The following AAMDC variants were observed in gnomAD, a reference collection of about 807,000 sequenced individuals.
AAMDC encodes the protein mth938 domain-containing protein.
AAMDC carries 16 observed loss-of-function variants against 15.5 expected under a neutral mutation model. The observed-to-expected ratio is 1.03, with a 90% CI of 0.70 to 1.57. AAMDC has a LOEUF of 1.57. AAMDC is among the 40% of genes most tolerant of loss of function. The pLI is 0.00. For synonymous variants in AAMDC, 51 were observed against 51.6 expected (o/e 0.99, Z 0.05); for missense variants, 141 against 144.9 (o/e 0.97, Z 0.14).
intron 2 of AAMDC, among the ~76,000 whole-genome samples, chr11:77,847,640 G>T (rs987156757): frequency 1.3e-5 from 2 of 152,186 alleles, no homozygotes; most frequent in Admixed American, 1.3e-4. Flanking sequence ...GGCTCCATCA[G>T]AGTGAAGTTG....
chr11:77,873,601 T>C (rs1783546), downstream of AAMDC, among the ~76,000 whole-genome samples: 113,538 of 152,116 alleles, frequency 0.75, 43,087 homozygotes, highest in African/African-American at 0.89. Context: ...AATTCCTGCC[T>C]TTGGGAATTA....
At chr11:77,838,358 T>C (rs564688526) in intron 1 of AAMDC, among the ~76,000 whole-genome samples, 48 of 152,282 alleles carry the variant, frequency 3.2e-4, no homozygotes, top group African/African-American at 1.1e-3. Flanking sequence ...ATATATGAGA[T>C]TATATCCTTG....
downstream of AAMDC, chr11:77,903,390 T>C (rs1168300836): frequency 6.2e-7 from 1 of 1,600,876 alleles, no homozygotes; most frequent in African/African-American, 1.3e-5. Context: ...GCCAAATCAC[T>C]CTGCTTCAAA....
At chr11:77,876,518 C>G (rs1479147353), downstream of AAMDC, among the ~76,000 whole-genome samples, 1 of 151,932 alleles carries the variant, frequency 6.6e-6, no homozygotes, top group Admixed American at 6.6e-5. Context: ...AAGTTGAGCC[C>G]AACCCCGATA....
chr11:77,859,927 G>C (rs988240871), intron 2 of AAMDC, among the ~76,000 whole-genome samples: 2 of 152,162 alleles, frequency 1.3e-5, no homozygotes, highest in African/African-American at 4.8e-5. Flanking sequence ...TGAGTATGCC[G>C]TTCACATCAT....
chr11:77,870,882 TC>T (rs1951399287), intron 3 of AAMDC, among the ~76,000 whole-genome samples: 1 of 152,190 alleles, frequency 6.6e-6, no homozygotes, highest in African/African-American at 2.4e-5. Context: ...TATAACTTTT[TC>T]CCCCACTTAC....
intron 5 of AAMDC, among the ~76,000 whole-genome samples, chr11:77,896,153 A>G (rs1380304810): frequency 6.6e-6 from 1 of 152,218 alleles, no homozygotes; most frequent in South Asian, 2.1e-4. Flanking sequence ...GGGGATTTAA[A>G]AGGATATTAC....
chr11:77,834,694 C>T (rs1007335428), intron 1 of AAMDC, among the ~76,000 whole-genome samples: 5 of 152,024 alleles, frequency 3.3e-5, no homozygotes, highest in Admixed American at 6.6e-5. Context: ...GGATTACAGA[C>T]GTGAGCCACT....
chr11:77,878,987 C>T, intron 5 of AAMDC: 1 of 1,614,128 alleles, frequency 6.2e-7, no homozygotes, highest in Non-Finnish European at 8.5e-7. Context: ...TAAACTTTTA[C>T]AGGCTTGCTG....
chr11:77,827,501 T>G (rs1949233115), intron 1 of AAMDC, among the ~76,000 whole-genome samples: 1 of 152,200 alleles, frequency 6.6e-6, no homozygotes, highest in Admixed American at 6.5e-5. Context: ...ATCAATATAT[T>G]GTAATATATT....
chr11:77,854,756 G>A (rs1420778587), intron 2 of AAMDC, among the ~76,000 whole-genome samples: 1 of 152,208 alleles, frequency 6.6e-6, no homozygotes. Context: ...CTGGAGGATG[G>A]TGGCCCTCTT....
intron 1 of AAMDC, among the ~76,000 whole-genome samples, chr11:77,834,705 G>A (rs537801528): frequency 1.3e-5 from 2 of 152,242 alleles, no homozygotes; most frequent in Admixed American, 6.5e-5. Flanking sequence ...GTGAGCCACT[G>A]CGCCTGGCCA....
At chr11:77,836,407 A>G (rs1949683760) in intron 1 of AAMDC, among the ~76,000 whole-genome samples, 1 of 152,170 alleles carries the variant, frequency 6.6e-6, no homozygotes, top group African/African-American at 2.4e-5. Context: ...CCATGCAAGC[A>G]GAAAAAGCCA....
chr11:77,863,069 C>G (rs1344268624), intron 2 of AAMDC, among the ~76,000 whole-genome samples: 1 of 152,052 alleles, frequency 6.6e-6, no homozygotes, highest in Non-Finnish European at 1.5e-5. Context: ...GTTCTCTGAC[C>G]AAGGGTGCTT....
At chr11:77,825,460 A>G (rs764680528) in intron 1 of AAMDC, among the ~76,000 whole-genome samples, 8 of 152,184 alleles carry the variant, frequency 5.3e-5, no homozygotes, top group African/African-American at 7.2e-5. Flanking sequence ...CTGAAGGTAT[A>G]TGGACTTAAT....
downstream of AAMDC, chr11:77,901,435 T>C: frequency 4.3e-6 from 7 of 1,613,974 alleles, no homozygotes; most frequent in Non-Finnish European, 5.1e-6. Context: ...GTGTAGTTCG[T>C]GCTGTTACTA....
chr11:77,868,045 C>T (rs1951198747), intron 2 of AAMDC, among the ~76,000 whole-genome samples: 1 of 146,558 alleles, frequency 6.8e-6, no homozygotes, highest in Non-Finnish European at 1.5e-5. Context: ...TAGTCTTTTT[C>T]TTTCCTCTGA....
chr11:77,856,926 G>A (rs1033416931), intron 2 of AAMDC, among the ~76,000 whole-genome samples: 1 of 152,186 alleles, frequency 6.6e-6, no homozygotes, highest in Admixed American at 6.5e-5. Flanking sequence ...CAAGGTGGAA[G>A]CTCCCAAGAA....
At chr11:77,868,028 GTTC>G (rs774729026) in intron 2 of AAMDC, among the ~76,000 whole-genome samples, 4 of 148,506 alleles carry the variant, frequency 2.7e-5, no homozygotes, top group Non-Finnish European at 5.9e-5. Context: ...GACTTTAACT[GTTC>G]TTCTAGTCTT....
Sources: gnomAD v4.1 joint callset for allele counts (sites outside exome capture counted in the v4.1 genomes callset) on GRCh38, gnomAD v4.1.1 for gene constraint, MANE v1.5 for transcripts, NCBI Gene and HGNC (gene_info 2026-07-23, HGNC 2026-07-21) for gene names.